ABCB10: variants seen among roughly 807,000 people sequenced by gnomAD.
ABCB10 encodes ATP-binding cassette sub-family B member 10, mitochondrial.
In ABCB10, 54 loss-of-function variants were observed where a neutral mutation model predicts 65.4. The observed-to-expected ratio is 0.83, with a 90% CI of 0.66 to 1.04. The LOEUF is 1.04. Ranked by LOEUF, ABCB10 falls within the 50% of genes least tolerant of loss-of-function variation. The pLI is 0.00. For synonymous variants in ABCB10, 418 were observed against 406.5 expected, an observed-to-expected ratio of 1.03 and a Z score of -0.34; for missense variants, 846 against 976.6, an observed-to-expected ratio of 0.87 and a Z score of 1.78.
At chr1:229,518,554 A>G in intron 12 of ABCB10, 144 bp from the exon 13 acceptor site, 1 of 713,074 alleles carries the variant, frequency 1.4e-6, no homozygotes, top group Non-Finnish European at 2.4e-6. Context: ...TCTCCATAAA[A>G]CTATACTGTG....
At position 229,542,363 on chromosome 1, in the gene ABCB10, G is replaced by A. The variant is rs771769165; in HGVS notation, c.930C>T (p.Val310=). The A allele has an allele frequency of 3.7e-6, 6 of 1,607,344 alleles. No homozygotes were observed. In the Admixed American group the frequency reaches 1.0e-4, roughly 28 times the overall value. ...ASVGISMMFF[V]SPNLATFVLS... is the part of the protein sequence containing the mutation. ...AAACAAAGGTGGCCAGATTAGGTGA[G>A]ACAAAAAACTGTCAAAAACAAAAAA... The change falls in exon 4 of 13, where the codon GTC becomes GTT. Residue 310 remains valine, a synonymous_variant. Transcript: ENST00000344517.
chr1:229,536,117 T>A (rs1401679827), intron 6 of ABCB10, among the ~76,000 whole-genome samples: 2 of 152,056 alleles, frequency 1.3e-5, no homozygotes, highest in African/African-American at 2.4e-5. Flanking sequence ...TACACCCCTA[T>A]CTCCACACAA....
At chr1:229,553,332 A>G (rs1663163388) in intron 1 of ABCB10, among the ~76,000 whole-genome samples, 1 of 151,776 alleles carries the variant, frequency 6.6e-6, no homozygotes, top group African/African-American at 2.4e-5. Flanking sequence ...CTGGTCTTGA[A>G]CTGCCGACCT....
At position 229,542,429 on chromosome 1, in the gene ABCB10, T is replaced by G. The variant is rs1326433509; in HGVS notation, c.922-58A>C. 3.2e-6 allele frequency: 5 copies of G among 1,576,874 alleles called. No individual in the cohort carries two copies. The African/African-American group carries it at 6.8e-5, about 22-fold the overall frequency. On this transcript the variant is annotated intron_variant, in intron 3 of 12. Transcript: ENST00000344517. ...TGTTACATTGGGTGGCAAGACATTC[T>G]CATTACCTACGAAAGGGGAGTGTGT... is the stretch of plus-strand genomic sequence containing the variant.
At chr1:229,536,786 T>A (rs1420685636) in intron 6 of ABCB10, among the ~76,000 whole-genome samples, 2 of 151,820 alleles carry the variant, frequency 1.3e-5, no homozygotes, top group African/African-American at 4.8e-5. Flanking sequence ...CGAAACTCTG[T>A]CTCTACAAAA....
intron 3 of ABCB10, among the ~76,000 whole-genome samples, chr1:229,543,456 C>T (rs1413790597): frequency 6.6e-6 from 1 of 152,144 alleles, no homozygotes; most frequent in African/African-American, 2.4e-5. Flanking sequence ...ATAATCAGTA[C>T]ACGGCTAAAT....
At chr1:229,556,930 A>G (rs1663262940) in intron 1 of ABCB10, among the ~76,000 whole-genome samples, 1 of 152,242 alleles carries the variant, frequency 6.6e-6, no homozygotes, top group Non-Finnish European at 1.5e-5. Context: ...CAAGCAGCTC[A>G]AAGTCCAGTG....
chr1:229,537,467 T>C (rs542321370), intron 6 of ABCB10, among the ~76,000 whole-genome samples: 1 of 152,350 alleles, frequency 6.6e-6, no homozygotes, highest in African/African-American at 2.4e-5. Flanking sequence ...ACAGCGATTC[T>C]ATAAAAGTAT....
At chr1:229,540,256 T>G (rs913184772) in intron 5 of ABCB10, among the ~76,000 whole-genome samples, 1 of 152,208 alleles carries the variant, frequency 6.6e-6, no homozygotes, top group African/African-American at 2.4e-5. Context: ...CAGAATGACC[T>G]GGAAGGCCTG....
rs1283993729 is a variant in ABCB10 at position 229,518,831 on chromosome 1, A to G, written c.1985+10T>C. The G allele has an allele frequency of 6.3e-7, 1 of 1,590,994 alleles. No homozygotes were observed. On this transcript the variant is annotated intron_variant, in intron 12 of 12. Transcript: ENST00000344517. Reference sequence around the variant, plus strand: ...ACACACAATGGCATATATTATTAAGATATCCTCACCTGGTTGCTTCATCTA... The same window carrying G: ...ACACACAATGGCATATATTATTAAGGTATCCTCACCTGGTTGCTTCATCTA...
In ABCB10 at chr1:229,530,183, G is replaced by A. The variant is rs1571962009; in HGVS notation, c.1645+16C>T. The A allele has an allele frequency of 3.1e-6, 5 of 1,612,972 alleles. No individual in the cohort carries two copies. The East Asian group carries it at 1.1e-4, about 36-fold the overall frequency. On this transcript the variant is annotated intron_variant, in intron 8 of 12. Transcript: ENST00000344517. ...CGGGAGAGTCCCTCGGTGCTACAGT[G>A]TGGTGAACTGCTTACCAGAAGCAGG...
chr1:229,539,613 G>C (rs747072242), intron 5 of ABCB10, 22 bp from the exon 6 acceptor site: 1 of 1,606,808 alleles, frequency 6.2e-7, no homozygotes, highest in Non-Finnish European at 8.5e-7. Context: ...AGAAAACACA[G>C]AAGTCAGGTG....
At position 229,558,205 on chromosome 1, in the gene ABCB10, C is replaced by G; in HGVS notation, c.448G>C (p.Ala150Pro). The G allele has an allele frequency of 7.1e-7, 1 of 1,417,752 alleles. No homozygotes were observed. Among genetic ancestry groups the G allele is most frequent in the Non-Finnish European group, 9.2e-7 (1 of 1,087,924 alleles). 87.8% of individuals were successfully genotyped at this position (1,417,752 alleles called of 1,614,324 possible). The change falls in exon 1 of 13, where the codon GCA (alanine) becomes CCA (proline). Residue 150 changes from alanine to proline, a missense_variant. Ala to Pro is a conservative substitution (Grantham distance 27). Transcript: ENST00000344517. ...CGGGCCTCCGGGAGTCCGGCCGCTG[C>G]GGGGCGCAGCCGCCCCTTGTCCCCG... ...PPGDKGRLRP[A>P]AAGLPEARKL...
intron 1 of ABCB10, among the ~76,000 whole-genome samples, chr1:229,555,657 T>G (rs922987793): frequency 6.6e-6 from 1 of 152,272 alleles, no homozygotes; most frequent in Admixed American, 6.5e-5. Context: ...AAGATTTTTG[T>G]ATTTTTCTAA....
intron 6 of ABCB10, among the ~76,000 whole-genome samples, chr1:229,536,035 T>C (rs1203680382): frequency 6.6e-6 from 1 of 152,048 alleles, no homozygotes; most frequent in African/African-American, 2.4e-5. Context: ...TGTAGGTTCA[T>C]TAATTGCATC....
rs1361812294 is a variant in ABCB10 at position 229,539,461 on chromosome 1, A to G, written c.1334T>C (p.Ile445Thr). 1 of 1,613,962 alleles carries G rather than the reference A, an allele frequency of 6.2e-7. No individual in the cohort carries two copies. Among genetic ancestry groups the G allele is most frequent in the Non-Finnish European group, 8.5e-7 (1 of 1,179,860 alleles). Residue 445 changes from isoleucine to threonine, a missense_variant, in exon 6 of 13, where the codon ATT (isoleucine) becomes ACT (threonine). Ile to Thr is a moderately conservative substitution (Grantham distance 89). This residue lies in a region of ABCB10 where 632 missense variants were observed against 803.2 expected (regional missense o/e 0.79). Transcript: ENST00000344517. ...LMYAFWVGIS[I>T]GGLSSFYSEL... Reference sequence around the variant, plus strand: ...AGCCTATTTAAATTATTTACCTCCAATGCTTATTCCAACCCAGAAAGCATA... The same window carrying G: ...AGCCTATTTAAATTATTTACCTCCAGTGCTTATTCCAACCCAGAAAGCATA...
In ABCB10 at chr1:229,537,761, G is replaced by C. The variant is rs149617794; in HGVS notation, c.1339+1695C>G. 2.0e-4 allele frequency among the ~76,000 whole-genome samples: 31 copies of C among 152,324 alleles called. 1 individual carries two copies. The highest frequency in any genetic ancestry group is 7.5e-4 in the African/African-American group (31 of 41,574). On this transcript the variant is annotated intron_variant, in intron 6 of 12. Transcript: ENST00000344517. ...GCCGACATCATGCCACCACACTCCA[G>C]CTTGGGCGACAGAGCAAGACTCCAT...
At chr1:229,552,126 T>C (rs1323760852) in intron 1 of ABCB10, among the ~76,000 whole-genome samples, 1 of 152,252 alleles carries the variant, frequency 6.6e-6, no homozygotes, top group Non-Finnish European at 1.5e-5. Context: ...TTTTACTTTT[T>C]AATAATCATT....
chr1:229,539,650 G>A lies in ABCB10; in HGVS notation c.1204-59C>T, dbSNP rs1662796722. 5 of 1,578,038 alleles carry A rather than the reference G, an allele frequency of 3.2e-6. No individual in the cohort carries two copies. In the South Asian group the frequency reaches 4.6e-5, roughly 15 times the overall value. ...GAATCAAGGACCCAGAATGTGAAAA[G>A]CATGAACACGGCCTGTAATGTCCCT... is the stretch of plus-strand genomic sequence containing the variant. On this transcript the variant is annotated intron_variant, in intron 5 of 12. Coordinates refer to ENST00000344517, the MANE Select transcript of ABCB10 (RefSeq NM_012089.3).
Sources: allele counts gnomAD v4.1 joint callset (sites outside exome capture counted in the v4.1 genomes callset), GRCh38; gene constraint gnomAD v4.1.1; regional missense constraint gnomAD v4.1.1; transcripts MANE v1.5; gene names NCBI Gene and HGNC (gene_info 2026-07-23, HGNC 2026-07-21).